The following PCDHGB5 variants were observed in gnomAD, a reference collection of about 807,000 sequenced individuals.
PCDHGB5 encodes the protein protocadherin gamma subfamily B, 5.
A neutral mutation model predicts 62.9 loss-of-function variants in PCDHGB5; 48 were observed. That is an observed-to-expected ratio of 0.76 (90% CI 0.61 to 0.97). The LOEUF (loss-of-function observed/expected upper bound fraction) is 0.97. Among genes scored for constraint, PCDHGB5 ranks in the 50% least tolerant of loss-of-function variants. The pLI, the probability that PCDHGB5 is intolerant of heterozygous loss-of-function variation, is 0.00. For missense variants in PCDHGB5, 1,118 were observed against 1,198.6 expected, an observed-to-expected ratio of 0.93 and a Z score of 0.99; for synonymous variants, 474 against 511.2, an observed-to-expected ratio of 0.93 and a Z score of 0.98.
intron 1 of PCDHGB5, among the ~76,000 whole-genome samples, chr5:141,482,605 C>T (rs2099569133): frequency 6.7e-6 from 1 of 150,032 alleles, no homozygotes; most frequent in Admixed American, 6.6e-5. Flanking sequence ...GAAAAAACAC[C>T]TAAATGAGCC....
chr5:141,469,395 T>G lies in PCDHGB5; in HGVS notation c.2398-25412T>G, dbSNP rs1332746609. ...ATCGAGACCATCCTGGCCAACATGG[T>G]GAAACCCCGTTTCTACTAAAAATAT... On this transcript the variant is annotated intron_variant, in intron 1 of 3. Transcript: ENST00000617380. Among the ~76,000 whole-genome samples, 6 of 152,194 alleles carry G rather than the reference T, an allele frequency of 3.9e-5. No homozygotes were observed. The East Asian group carries it at 1.2e-3, about 29-fold the overall frequency.
At chr5:141,457,500 A>G (rs1483244745) in intron 1 of PCDHGB5, among the ~76,000 whole-genome samples, 1 of 152,244 alleles carries the variant, frequency 6.6e-6, no homozygotes, top group African/African-American at 2.4e-5. Context: ...AAATGTAGGC[A>G]AAAAGCTTAA....
chr5:141,494,953 T>G, intron 2 of PCDHGB5, 88 bp downstream of exon 2: 1 of 1,604,164 alleles, frequency 6.2e-7, no homozygotes, highest in Non-Finnish European at 8.5e-7. Flanking sequence ...GCCCAGCATT[T>G]GCTACAGATG....
chr5:141,469,510 G>T (rs1022804863), intron 1 of PCDHGB5, among the ~76,000 whole-genome samples: 3 of 152,118 alleles, frequency 2.0e-5, no homozygotes, highest in African/African-American at 7.2e-5. Context: ...GGGAGGTGGA[G>T]GTTGCAGTGA....
chr5:141,496,077 C>G (rs1269618753), intron 2 of PCDHGB5, among the ~76,000 whole-genome samples: 1 of 152,042 alleles, frequency 6.6e-6, no homozygotes, highest in African/African-American at 2.4e-5. Flanking sequence ...CACACACAAC[C>G]CCCCACCCAC....
chr5:141,415,189 A>T (rs575244490), intron 1 of PCDHGB5: 2 of 1,613,840 alleles, frequency 1.2e-6, no homozygotes, highest in Non-Finnish European at 1.7e-6. Context: ...GGCCGACAGC[A>T]TCCCCCAAGT....
At chr5:141,458,787 C>A (rs968490647) in intron 1 of PCDHGB5, among the ~76,000 whole-genome samples, 1 of 152,004 alleles carries the variant, frequency 6.6e-6, no homozygotes, top group African/African-American at 2.4e-5. Flanking sequence ...GGCTGGAGTG[C>A]AGTGGTGTGA....
In PCDHGB5 at chr5:141,487,218, C is replaced by G. The variant is rs2099641338; in HGVS notation, c.2398-7589C>G. The stretch of plus-strand genomic sequence containing the variant: ...CCAGATCTTCGAGAATCTTCAGCTC[C>G]AAGGGAAGGAGAATCTCGTCTAACC... On this transcript the variant is annotated intron_variant, in intron 1 of 3. Transcript: ENST00000617380. The surrounding 1 kb of genome is among the most constrained non-coding windows in gnomAD (Gnocchi z 5.0). 1 of 1,613,820 alleles carries G rather than the reference C, an allele frequency of 6.2e-7. No homozygotes were observed. The highest frequency in any genetic ancestry group is 1.1e-5 in the South Asian group (1 of 91,078).
rs112078596 is a variant in PCDHGB5, at chr5:141,490,350, G to A, written c.2398-4457G>A. ...GCACACCAGTGGGCACAGTAGTGGG[G>A]TTGTTTAATGTGCGAGACCGGGACT... On this transcript the variant is annotated intron_variant, in intron 1 of 3. Coordinates refer to ENST00000617380, the MANE Select transcript of PCDHGB5 (RefSeq NM_018925.3). The surrounding 1 kb of genome is among the most constrained non-coding windows in gnomAD (Gnocchi z 5.4). 3.5e-5 allele frequency: 57 copies of A among 1,614,086 alleles called. No homozygotes were observed. The highest frequency in any genetic ancestry group is 4.6e-5 in the Non-Finnish European group (54 of 1,180,042).
chr5:141,445,075 A>G (rs1251499929), intron 1 of PCDHGB5, among the ~76,000 whole-genome samples: 1 of 152,170 alleles, frequency 6.6e-6, no homozygotes, highest in East Asian at 1.9e-4. Context: ...TTCTCATTAA[A>G]TTGTCCCTAC....
intron 1 of PCDHGB5, among the ~76,000 whole-genome samples, chr5:141,443,772 C>T (rs1284723564): frequency 6.6e-6 from 1 of 151,568 alleles, no homozygotes; most frequent in Non-Finnish European, 1.5e-5. Context: ...TACAATATTA[C>T]CAAAAAGACA....
At chr5:141,463,847 G>T (rs922334975) in intron 1 of PCDHGB5, among the ~76,000 whole-genome samples, 9 of 152,158 alleles carry the variant, frequency 5.9e-5, no homozygotes, top group African/African-American at 2.2e-4. Context: ...TGTTATAGTG[G>T]TATATCTGGT....
intron 1 of PCDHGB5, among the ~76,000 whole-genome samples, chr5:141,467,665 G>T (rs1205474808): frequency 4.6e-5 from 7 of 152,040 alleles, no homozygotes; most frequent in Non-Finnish European, 1.0e-4. Flanking sequence ...AGTGCCAGAA[G>T]ATTTTTATTT....
intron 1 of PCDHGB5, among the ~76,000 whole-genome samples, chr5:141,430,213 A>G (rs892801149): frequency 6.6e-6 from 1 of 151,106 alleles, no homozygotes; most frequent in Non-Finnish European, 1.5e-5. Context: ...AAATTATTAT[A>G]TTATATGATT....
intron 2 of PCDHGB5, among the ~76,000 whole-genome samples, chr5:141,502,828 G>T (rs928458403): frequency 6.6e-6 from 1 of 150,704 alleles, no homozygotes; most frequent in Non-Finnish European, 1.5e-5. Context: ...CCTTGGGGAA[G>T]CCTGGACTGG....
chr5:141,469,226 A>G (rs998643671), intron 1 of PCDHGB5, among the ~76,000 whole-genome samples: 1 of 152,066 alleles, frequency 6.6e-6, no homozygotes, highest in Non-Finnish European at 1.5e-5. Context: ...TCAGTGAGCC[A>G]TGATCACCCC....
At position 141,403,569 on chromosome 5, in the gene PCDHGB5, C is replaced by A. The variant is rs1206497487; in HGVS notation, c.2397+3045C>A. On this transcript the variant is annotated intron_variant, in intron 1 of 3. Transcript: ENST00000617380. The stretch of plus-strand genomic sequence containing the variant: ...CGCGCCCTGGACAGGGAGGAGGCAA[C>A]TGCCCACCACCTGGTCCTCACGGCC... The A allele has an allele frequency of 5.6e-6, 9 of 1,613,828 alleles. No homozygotes were observed. The Admixed American group carries it at 6.7e-5, about 12-fold the overall frequency.
intron 1 of PCDHGB5, chr5:141,423,492 C>T (rs2154550191): frequency 1.2e-6 from 2 of 1,613,972 alleles, no homozygotes; most frequent in East Asian, 4.5e-5. Context: ...AAACCTATTC[C>T]CACGAGGTCT....
chr5:141,489,610 C>G lies in PCDHGB5; in HGVS notation c.2398-5197C>G, dbSNP rs142775705. 3,083 of 1,614,088 alleles carry G rather than the reference C, an allele frequency of 1.9e-3. 6 individuals are homozygous for G. Among genetic ancestry groups the G allele is most frequent in the Non-Finnish European group, 2.4e-3 (2,793 of 1,179,988 alleles). ...GCTAATCCGTGTAGAGGTAGAGATC[C>G]TGGATCTCAATGACAACTCTCCTAG... On this transcript the variant is annotated intron_variant, in intron 1 of 3. Transcript: ENST00000617380. The surrounding 1 kb of genome is among the most constrained non-coding windows in gnomAD (Gnocchi z 4.5).
Sources: allele counts gnomAD v4.1 joint callset (sites outside exome capture counted in the v4.1 genomes callset), GRCh38; gene constraint gnomAD v4.1.1; non-coding constraint Gnocchi (gnomAD v3.1); transcripts MANE v1.5; gene names NCBI Gene and HGNC (gene_info 2026-07-23, HGNC 2026-07-21).